Variants in LIN54 observed in about 807,000 individuals in gnomAD.
The protein encoded by LIN54 is lin-54 DREAM MuvB core complex component.
A neutral mutation model predicts 78.7 loss-of-function variants in LIN54; 9 were observed. The ratio of observed to expected loss-of-function variants is 0.11; its 90% CI spans 0.07 to 0.20. The LOEUF (loss-of-function observed/expected upper bound fraction) is 0.20. Among genes scored for constraint, LIN54 ranks in the 10% least tolerant of loss-of-function variants. The pLI, the probability that LIN54 is intolerant of heterozygous loss-of-function variation, is 1.00. For missense variants in LIN54, 573 were observed against 889.9 expected (o/e 0.64, Z 4.53); for synonymous variants, 269 against 318.4 (o/e 0.84, Z 1.65).
chr4:83,005,968 C>T (rs190841833), intron 1 of LIN54, among the ~76,000 whole-genome samples: 3 of 152,260 alleles, frequency 2.0e-5, no homozygotes, highest in East Asian at 1.9e-4. Flanking sequence ...AGAAAGAAAC[C>T]GTGTCCTTTG....
At chr4:82,930,247 A>G (rs1043844803) in intron 12 of LIN54, among the ~76,000 whole-genome samples, 4 of 152,216 alleles carry the variant, frequency 2.6e-5, no homozygotes, top group Non-Finnish European at 5.9e-5. Flanking sequence ...CATTCCATTT[A>G]ATAATTCCTC....
rs748690585 is a variant in LIN54, at chr4:82,939,536, T to A, written c.1440+3A>T. On this transcript the variant is annotated splice_donor_region_variant and intron_variant, in intron 7 of 12. Coordinates refer to ENST00000340417, the MANE Select transcript of LIN54 (RefSeq NM_194282.4). ...ATACAATGACTTCATTTTTTCCACA[T>A]ACCTGAGTAACATACTGAGCTGGAA... The A allele has an allele frequency of 1.9e-6, 3 of 1,612,898 alleles. No individual in the cohort carries two copies. Among genetic ancestry groups the A allele is most frequent in the South Asian group, 1.1e-5 (1 of 91,054 alleles).
chr4:82,971,537 T>TAAAA (rs34112919), intron 3 of LIN54, among the ~76,000 whole-genome samples: 1 of 145,800 alleles, frequency 6.9e-6, no homozygotes. Flanking sequence ...AAATTGAATT[T>TAAAA]AAAAAAAAAA....
At chr4:82,977,382 G>C (rs1277644670) in intron 3 of LIN54, among the ~76,000 whole-genome samples, 1 of 151,888 alleles carries the variant, frequency 6.6e-6, no homozygotes, top group East Asian at 1.9e-4. Context: ...TTTCTTTGGG[G>C]CCCCCCTGCC....
At chr4:82,995,489 C>CTT (rs749880882) in intron 1 of LIN54, among the ~76,000 whole-genome samples, 4,119 of 75,714 alleles carry the variant, frequency 0.054, 89 homozygotes, top group African/African-American at 0.066. Flanking sequence ...ATCCTTATCT[C>CTT]TTTTTTTTTT....
rs927084710 is a variant in LIN54 at position 82,925,893 on chromosome 4, TA to T, written c.*2208del. 6.6e-6 allele frequency: 1 copy of T among 152,634 alleles called. No homozygotes were observed. Among genetic ancestry groups the T allele is most frequent in the African/African-American group, 2.4e-5 (1 of 41,462 alleles). The allele number at this position is 152,634 out of a possible 1,614,324, so 9.5% of individuals were successfully genotyped here. A position where few individuals can be genotyped will look rare whatever the true frequency, so the allele number is the denominator to read the frequency against. ...ACCCAACCCTCCCCAAATAGTCTTT[TA>T]AAATCATTGAATTAATGTGGCTATT... On this transcript the variant is annotated 3_prime_UTR_variant, in exon 13 of 13. Coordinates refer to ENST00000340417, the MANE Select transcript of LIN54 (RefSeq NM_194282.4).
intron 11 of LIN54, among the ~76,000 whole-genome samples, chr4:82,935,604 C>A (rs1474868384): frequency 6.6e-6 from 1 of 151,976 alleles, no homozygotes; most frequent in Non-Finnish European, 1.5e-5. Flanking sequence ...TTCTAAGAAG[C>A]CTGTGAAGAA....
At chr4:82,991,191 GT>G (rs1727668450) in intron 1 of LIN54, among the ~76,000 whole-genome samples, 1 of 144,288 alleles carries the variant, frequency 6.9e-6, no homozygotes, top group Non-Finnish European at 1.5e-5. Context: ...ATGGAAAATT[GT>G]CTCCCAAATA....
At chr4:82,947,549 T>A (rs1309172033) in intron 4 of LIN54, among the ~76,000 whole-genome samples, 1 of 151,872 alleles carries the variant, frequency 6.6e-6, no homozygotes, top group African/African-American at 2.4e-5. Context: ...GGAGCCACAA[T>A]CATTTTAATT....
At chr4:82,937,812 C>CA (rs1251844108) in intron 8 of LIN54, among the ~76,000 whole-genome samples, 1 of 151,912 alleles carries the variant, frequency 6.6e-6, no homozygotes, top group East Asian at 1.9e-4. Context: ...TAAACATCAA[C>CA]AAAAAATGAG....
At chr4:82,981,028 T>C (rs1159499000) in intron 2 of LIN54, among the ~76,000 whole-genome samples, 1 of 152,202 alleles carries the variant, frequency 6.6e-6, no homozygotes, top group African/African-American at 2.4e-5. Flanking sequence ...ATTAAGGAAC[T>C]ATGATTTTTT....
chr4:82,933,573 C>G (rs1722145313), intron 11 of LIN54, among the ~76,000 whole-genome samples: 1 of 152,154 alleles, frequency 6.6e-6, no homozygotes, highest in Admixed American at 6.5e-5. Context: ...AAGAACAGTT[C>G]AACACAAAAT....
At chr4:82,980,221 GCTT>G (rs1184062656) in intron 2 of LIN54, among the ~76,000 whole-genome samples, 1 of 152,010 alleles carries the variant, frequency 6.6e-6, no homozygotes, top group Non-Finnish European at 1.5e-5. Flanking sequence ...CAAAGACACA[GCTT>G]CTTCTAAAAG....
chr4:82,934,029 C>G (rs1001247561), intron 11 of LIN54, among the ~76,000 whole-genome samples: 3 of 152,110 alleles, frequency 2.0e-5, no homozygotes, highest in African/African-American at 7.2e-5. Flanking sequence ...GCTATTTCAT[C>G]AGGTATTCAA....
intron 4 of LIN54, among the ~76,000 whole-genome samples, chr4:82,953,890 C>T (rs1222718650): frequency 2.6e-5 from 4 of 151,898 alleles, no homozygotes; most frequent in African/African-American, 7.3e-5. Context: ...CAGTGAGCCA[C>T]GATCGCACCA....
At chr4:82,984,955 G>A in intron 1 of LIN54, 79 bp from the exon 2 acceptor site, 1 of 904,308 alleles carries the variant, frequency 1.1e-6, no homozygotes, top group Non-Finnish European at 1.7e-6. Context: ...AATGCAAATG[G>A]CAAAATGACA....
intron 2 of LIN54, among the ~76,000 whole-genome samples, chr4:82,980,952 A>G (rs1247144378): frequency 2.0e-5 from 3 of 152,182 alleles, no homozygotes; most frequent in African/African-American, 7.2e-5. Context: ...ATTCAAATAA[A>G]CAATCTCATC....
At chr4:82,941,253 C>T (rs549159103) in intron 5 of LIN54, among the ~76,000 whole-genome samples, 2 of 150,730 alleles carry the variant, frequency 1.3e-5, no homozygotes, top group Admixed American at 6.6e-5. Context: ...ATAGGCTGGC[C>T]GCATGGAGGG....
Position 82,984,598 on chromosome 4 carries a change from T to G in LIN54, c.247A>C (p.Thr83Pro). 6.2e-7 allele frequency: 1 copy of G among 1,614,218 alleles called. No homozygotes were observed. The highest frequency in any genetic ancestry group is 8.5e-7 in the Non-Finnish European group (1 of 1,180,036). The change falls in exon 2 of 13, where the codon ACT becomes CCT. Residue 83 changes from threonine to proline, a missense_variant. Physicochemically the swap from Thr to Pro is conservative, Grantham distance 38. Around this residue, in one of 6 missense-constraint regions of LIN54, gnomAD observed 183 missense variants for 228.4 expected, o/e 0.80. Transcript: ENST00000340417. ...TNQVAVNTTI[T>P]KADSNTTVKP... ...ACTGTGGTATTAGAATCTGCTTTAGTAATTGTGGTATTCACTGCAACTTGG... is the reference window on the plus strand; with the variant it reads ...ACTGTGGTATTAGAATCTGCTTTAGGAATTGTGGTATTCACTGCAACTTGG...
Sources: gnomAD v4.1 joint callset for allele counts (sites outside exome capture counted in the v4.1 genomes callset) on GRCh38, gnomAD v4.1.1 for gene constraint, gnomAD v4.1.1 regional missense constraint, MANE v1.5 for transcripts, NCBI Gene and HGNC (gene_info 2026-07-23, HGNC 2026-07-21) for gene names.